The following RNH1 variants were observed in gnomAD, a reference collection of about 807,000 sequenced individuals.
The protein encoded by RNH1 is ribonuclease/angiogenin inhibitor 1.
RNH1 carries 38 observed loss-of-function variants against 46.1 expected under a neutral mutation model. The ratio of observed to expected loss-of-function variants is 0.82; its 90% CI spans 0.64 to 1.08. RNH1 has a LOEUF of 1.08. Among genes scored for constraint, RNH1 ranks in the 50% least tolerant of loss-of-function variants. RNH1 has a pLI of 0.00. For synonymous variants in RNH1, 319 were observed against 279.1 expected (o/e 1.14, Z -1.43); for missense variants, 577 against 590.7 (o/e 0.98, Z 0.24).
rs893641047 is a variant in RNH1, at chr11:501,974, G to A, written c.101+88C>T. 3.1e-5 allele frequency: 25 copies of A among 797,070 alleles called. No individual in the cohort carries two copies. The highest frequency in any genetic ancestry group is 5.3e-5 in the East Asian group (2 of 37,516). 49.4% of individuals were successfully genotyped at this position (797,070 alleles called of 1,614,324 possible). On this transcript the variant is annotated intron_variant, in intron 3 of 10. Coordinates refer to ENST00000354420, the MANE Select transcript of RNH1 (RefSeq NM_203387.3). The surrounding 1 kb of genome is among the most constrained non-coding windows in gnomAD (Gnocchi z 4.1). ...CATACTTCATGTCCACAAACAAGGC[G>A]TTCCAGAGCAATGCACCCTTCAGAG...
At chr11:507,028 C>T (rs1477267401) in intron 1 of RNH1, 85 bp downstream of exon 1, 1 of 152,270 alleles carries the variant, frequency 6.6e-6, no homozygotes, top group African/African-American at 2.4e-5. Flanking sequence ...CTCAATAGCG[C>T]CAGGCCCGCG....
chr11:504,470 T>C (rs1850067564), intron 2 of RNH1: 1 of 152,048 alleles, frequency 6.6e-6, no homozygotes. Context: ...CGCTCCGCGT[T>C]CCTTCCGCCC....
At chr11:496,920 G>A (rs901443426) in intron 9 of RNH1, among the ~76,000 whole-genome samples, 1 of 152,278 alleles carries the variant, frequency 6.6e-6, no homozygotes, top group African/African-American at 2.4e-5. Context: ...GGCCAGGTAG[G>A]CTGGAGCTCC....
intron 9 of RNH1, 110 bp from the exon 10 acceptor site, chr11:495,163 C>G: frequency 9.0e-7 from 1 of 1,111,190 alleles, no homozygotes; most frequent in Non-Finnish European, 1.3e-6. Flanking sequence ...CTCGGCAACT[C>G]AGGACCCTCA....
intron 9 of RNH1, among the ~76,000 whole-genome samples, chr11:495,439 G>A (rs559769783): frequency 5.9e-5 from 9 of 152,340 alleles, no homozygotes; most frequent in African/African-American, 2.2e-4. Flanking sequence ...AGGGTATGGA[G>A]GGTACCAAGA....
Position 501,618 on chromosome 11 carries a change from G to A in RNH1, c.101+444C>T, listed in dbSNP as rs976982517. 3 of 169,664 alleles carry A rather than the reference G, an allele frequency of 1.8e-5. No homozygotes were observed. Among genetic ancestry groups the A allele is most frequent in the East Asian group, 1.7e-4 (1 of 5,866 alleles). The allele number at this position is 169,664 out of a possible 1,614,324, so 10.5% of individuals were successfully genotyped here. On this transcript the variant is annotated intron_variant, in intron 3 of 10. Coordinates refer to ENST00000354420, the MANE Select transcript of RNH1 (RefSeq NM_203387.3). The surrounding 1 kb of genome is among the most constrained non-coding windows in gnomAD (Gnocchi z 4.1). Reference sequence around the variant, plus strand: ...CACCAGGTAAAAAGAGAAAAGATGCGGCCCACCCAGGCACTCGTGTCCTGC... The same window carrying A: ...CACCAGGTAAAAAGAGAAAAGATGCAGCCCACCCAGGCACTCGTGTCCTGC...
In RNH1 at chr11:501,802, G is replaced by T. The variant is rs1349195194; in HGVS notation, c.101+260C>A. 1.9e-6 allele frequency: 1 copy of T among 523,498 alleles called. No individual in the cohort carries two copies. Among genetic ancestry groups the T allele is most frequent in the East Asian group, 3.1e-5 (1 of 31,944 alleles). The allele number at this position is 523,498 out of a possible 1,614,324, so 32.4% of individuals were successfully genotyped here. A position where few individuals can be genotyped will look rare whatever the true frequency, so the allele number is the denominator to read the frequency against. Reference sequence around the variant, plus strand: ...GAGGGAGAGGAGCTGAGACACCGGAGCCAGAGACCCACTGGCCAGTGGCCG... The same window carrying T: ...GAGGGAGAGGAGCTGAGACACCGGATCCAGAGACCCACTGGCCAGTGGCCG... On this transcript the variant is annotated intron_variant, in intron 3 of 10. Transcript: ENST00000354420. The surrounding 1 kb of genome is among the most constrained non-coding windows in gnomAD (Gnocchi z 4.1).
Position 501,909 on chromosome 11 carries a change from C to A in RNH1, c.101+153G>T, listed in dbSNP as rs1308338764. 2 of 611,448 alleles carry A rather than the reference C, an allele frequency of 3.3e-6. No individual in the cohort carries two copies. Among genetic ancestry groups the A allele is most frequent in the South Asian group, 3.8e-5 (2 of 52,866 alleles). The allele number at this position is 611,448 out of a possible 1,614,324, so 37.9% of individuals were successfully genotyped here. ...ATTCCTAAATTGTCAAAAAGAAACA[C>A]AAGAATCACATCTCATGCACGTGGT... is the stretch of plus-strand genomic sequence containing the variant. On this transcript the variant is annotated intron_variant, in intron 3 of 10. Coordinates refer to ENST00000354420, the MANE Select transcript of RNH1 (RefSeq NM_203387.3). This position sits in a 1 kb window ranked among gnomAD's most constrained non-coding sequence, Gnocchi z 4.1.
chr11:498,463 G>A lies in RNH1; in HGVS notation c.950C>T (p.Ser317Leu), dbSNP rs150334174. ...CCCCGACAGCCACACTCACCACAGC[G>A]ACTCCAGCTGGCAGCCAGGTTCCAG... ...TLLEPGCQLE[S>L]LWVKSCSFTA... The change falls in exon 8 of 11, where the codon TCG (serine) becomes TTG (leucine). Residue 317 changes from serine (S) to leucine (L), a missense_variant. Ser to Leu is a moderately radical substitution (Grantham distance 145, BLOSUM62 -2). Coordinates refer to ENST00000354420, the MANE Select transcript of RNH1 (RefSeq NM_203387.3). 660 of 1,612,566 alleles carry A rather than the reference G, an allele frequency of 4.1e-4. No individual in the cohort carries two copies. Among genetic ancestry groups the A allele is most frequent in the Middle Eastern group, 6.6e-4 (4 of 6,060 alleles).
chr11:495,659 G>T (rs1347022145), intron 9 of RNH1, among the ~76,000 whole-genome samples: 1 of 152,186 alleles, frequency 6.6e-6, no homozygotes, highest in Non-Finnish European at 1.5e-5. Flanking sequence ...TGGCTCAGGG[G>T]GAACAAGTCT....
chr11:499,630 C>G (rs1445217860), intron 5 of RNH1, 199 bp downstream of exon 5: 2 of 746,058 alleles, frequency 2.7e-6, no homozygotes, highest in East Asian at 5.3e-5. Flanking sequence ...GATGACAGAT[C>G]CCCCCAGCCC....
At position 502,317 on chromosome 11, in the gene RNH1, C is replaced by G. The variant is rs928613570; in HGVS notation, c.-87-68G>C. The G allele has an allele frequency of 1.7e-5, 11 of 652,756 alleles. No individual in the cohort carries two copies. Among genetic ancestry groups the G allele is most frequent in the Middle Eastern group, 2.7e-4 (1 of 3,660 alleles). The allele number at this position is 652,756 out of a possible 1,614,324, so 40.4% of individuals were successfully genotyped here. ...CAGCCTCTCCCTGGGCAAACACTTC[C>G]TCTTCAGCACCCTCCCCACCTTTGT... On this transcript the variant is annotated intron_variant, in intron 2 of 10. Coordinates refer to ENST00000354420, the MANE Select transcript of RNH1 (RefSeq NM_203387.3). The surrounding 1 kb of genome is among the most constrained non-coding windows in gnomAD (Gnocchi z 5.8).
Position 501,067 on chromosome 11 carries a change from G to A in RNH1, c.102-413C>T, listed in dbSNP as rs187484568. On this transcript the variant is annotated intron_variant, in intron 3 of 10. Transcript: ENST00000354420. This position sits in a 1 kb window ranked among gnomAD's most constrained non-coding sequence, Gnocchi z 4.1. ...CACTTGAGCCCAGGAGGTTGAGGCC[G>A]CATAAGCCATGAGGGAGCCACTCCA... 212 of 351,030 alleles carry A rather than the reference G, an allele frequency of 6.0e-4. No homozygotes were observed. In the Middle Eastern group the frequency reaches 7.3e-3, roughly 12 times the overall value. The allele number at this position is 351,030 out of a possible 1,614,324, so 21.7% of individuals were successfully genotyped here.
chr11:499,209 C>G (rs749984679), intron 5 of RNH1, 24 bp from the exon 6 acceptor site: 35 of 1,608,968 alleles, frequency 2.2e-5, no homozygotes, highest in Non-Finnish European at 2.5e-5. Flanking sequence ...GAGCTCAGCA[C>G]CACACAGGAA....
intron 10 of RNH1, 32 bp from the exon 11 acceptor site, chr11:494,810 C>CG: frequency 6.2e-7 from 1 of 1,612,994 alleles, no homozygotes; most frequent in Non-Finnish European, 8.5e-7. Flanking sequence ...GGCATGGGCC[C>CG]GTGTCCTCCC....
In RNH1 at chr11:500,647, C is replaced by T. The variant is rs745779098; in HGVS notation, c.109G>A (p.Asp37Asn). The T allele has an allele frequency of 3.7e-6, 6 of 1,605,258 alleles. No individual in the cohort carries two copies. Among genetic ancestry groups the T allele is most frequent in the South Asian group, 1.1e-5 (1 of 91,072 alleles). Residue 37 changes from aspartate to asparagine, a missense_variant, in exon 4 of 11, where the codon GAC becomes AAC. Asp to Asn is a conservative substitution (Grantham distance 23). Coordinates refer to ENST00000354420, the MANE Select transcript of RNH1 (RefSeq NM_203387.3). ...LQQCQVVRLD[D>N]CGLTEARCKD... ...CACCGTGCTTCCGTGAGGCCACAGT[C>T]GTCCAGCCTGTGAGCAGACCCCAGG...
At chr11:498,233 G>C (rs1849358031) in intron 8 of RNH1, 92 bp from the exon 9 acceptor site, 1 of 1,419,948 alleles carries the variant, frequency 7.0e-7, no homozygotes, top group Non-Finnish European at 9.5e-7. Flanking sequence ...ACGTGGACCT[G>C]AGCAAAAACA....
chr11:499,267 T>A, intron 5 of RNH1, 82 bp from the exon 6 acceptor site: 1 of 1,470,622 alleles, frequency 6.8e-7, no homozygotes, highest in Non-Finnish European at 9.3e-7. Flanking sequence ...GGTGTGCTGG[T>A]GTCTCATCTC....
intron 9 of RNH1, 49 bp downstream of exon 9, chr11:497,922 G>A (rs371430542): frequency 5.5e-5 from 87 of 1,576,196 alleles, no homozygotes; most frequent in South Asian, 1.6e-4. Context: ...GTGCACACAC[G>A]GGCATATGAT....
Sources: allele counts gnomAD v4.1 joint callset (sites outside exome capture counted in the v4.1 genomes callset), GRCh38; gene constraint gnomAD v4.1.1; non-coding constraint Gnocchi (gnomAD v3.1); transcripts MANE v1.5; gene names NCBI Gene and HGNC (gene_info 2026-07-23, HGNC 2026-07-21).